LRRTM4: variants seen among roughly 807,000 people sequenced by gnomAD.
LRRTM4 encodes leucine-rich repeat transmembrane neuronal protein 4.
In LRRTM4, 25 loss-of-function variants were observed where a neutral mutation model predicts 47.6. The observed-to-expected ratio is 0.53, with a 90% CI of 0.38 to 0.73. LRRTM4 has a LOEUF of 0.73. LRRTM4 is among the 30% of genes least tolerant of loss of function. The pLI is 0.00. For synonymous variants in LRRTM4, 311 were observed against 269.5 expected, an observed-to-expected ratio of 1.15 and a Z score of -1.51; for missense variants, 638 against 713.4, an observed-to-expected ratio of 0.89 and a Z score of 1.20.
chr2:77,311,370 T>C (rs1677452931), intron 3 of LRRTM4, among the ~76,000 whole-genome samples: 1 of 152,184 alleles, frequency 6.6e-6, no homozygotes, highest in African/African-American at 2.4e-5. Flanking sequence ...TTAAGGCATC[T>C]AAGGGATGAA....
At chr2:77,034,436 T>C (rs1678767691) in intron 3 of LRRTM4, among the ~76,000 whole-genome samples, 2 of 151,950 alleles carry the variant, frequency 1.3e-5, no homozygotes, top group Non-Finnish European at 2.9e-5. Flanking sequence ...TTCCTAGACA[T>C]AAATAGTTTA....
At chr2:77,063,717 T>A (rs917591142) in intron 3 of LRRTM4, among the ~76,000 whole-genome samples, 1 of 152,212 alleles carries the variant, frequency 6.6e-6, no homozygotes, top group Non-Finnish European at 1.5e-5. Flanking sequence ...AAAATTAAAT[T>A]GAGCAGAGGT....
intron 3 of LRRTM4, among the ~76,000 whole-genome samples, chr2:77,152,710 C>T (rs965207635): frequency 1.3e-5 from 2 of 152,006 alleles, no homozygotes; most frequent in African/African-American, 2.4e-5. Context: ...ACTAAATGAG[C>T]GAATACCTGA....
intron 3 of LRRTM4, among the ~76,000 whole-genome samples, chr2:76,903,443 G>C (rs146892460): frequency 6.6e-6 from 1 of 152,080 alleles, no homozygotes; most frequent in Non-Finnish European, 1.5e-5. Flanking sequence ...GGCTGAGGCA[G>C]GAGAAAGGCA....
intron 3 of LRRTM4, among the ~76,000 whole-genome samples, chr2:77,425,178 C>T (rs201616528): frequency 1.3e-5 from 2 of 151,760 alleles, no homozygotes; most frequent in African/African-American, 2.4e-5. Context: ...CAGAGTAAAC[C>T]AACATCTGAA....
At chr2:76,867,512 A>G (rs1672500887) in intron 3 of LRRTM4, among the ~76,000 whole-genome samples, 1 of 152,032 alleles carries the variant, frequency 6.6e-6, no homozygotes, top group East Asian at 1.9e-4. Flanking sequence ...GTGTGTTTTA[A>G]TTTTTTGTTA....
At chr2:77,112,833 G>A (rs1021653664) in intron 3 of LRRTM4, among the ~76,000 whole-genome samples, 1 of 152,090 alleles carries the variant, frequency 6.6e-6, no homozygotes, top group African/African-American at 2.4e-5. Flanking sequence ...TTTAATATAT[G>A]CAGGCAACAC....
At chr2:77,085,527 G>A (rs778834674) in intron 3 of LRRTM4, among the ~76,000 whole-genome samples, 4 of 151,866 alleles carry the variant, frequency 2.6e-5, no homozygotes, top group African/African-American at 7.2e-5. Context: ...TTTAAAACAT[G>A]GAATCACGTA....
At chr2:76,908,268 A>C (rs1673921640) in intron 3 of LRRTM4, among the ~76,000 whole-genome samples, 1 of 152,130 alleles carries the variant, frequency 6.6e-6, no homozygotes, top group Non-Finnish European at 1.5e-5. Flanking sequence ...ATAGATGCAG[A>C]AAAGGCCTTT....
intron 3 of LRRTM4, among the ~76,000 whole-genome samples, chr2:77,148,389 A>G (rs967890417): frequency 7.2e-5 from 11 of 152,184 alleles, no homozygotes; most frequent in African/African-American, 2.4e-4. Flanking sequence ...TGCTATACTA[A>G]GAATGCGAGA....
chr2:77,398,385 ATTGCATATTACATCTCAGAGGAG>A (rs1484654020), intron 3 of LRRTM4, among the ~76,000 whole-genome samples: 2 of 151,930 alleles, frequency 1.3e-5, no homozygotes, highest in Non-Finnish European at 2.9e-5. Flanking sequence ...TATTATGCAT[ATTGCATATTACATCTCAGAGGAG>A]TCTGAGCTGC....
At chr2:77,029,148 A>G (rs1285565795) in intron 3 of LRRTM4, among the ~76,000 whole-genome samples, 1 of 150,446 alleles carries the variant, frequency 6.6e-6, no homozygotes, top group Non-Finnish European at 1.5e-5. Flanking sequence ...ATGAGTTAGT[A>G]GACAAGTTTG....
chr2:77,434,637 G>A (rs1675520179), intron 3 of LRRTM4, among the ~76,000 whole-genome samples: 1 of 152,208 alleles, frequency 6.6e-6, no homozygotes, highest in South Asian at 2.1e-4. Context: ...GTAATTTATG[G>A]AGAACTTTCT....
chr2:76,939,301 AAGTGCC>A (rs1428106462), intron 3 of LRRTM4, among the ~76,000 whole-genome samples: 1 of 152,154 alleles, frequency 6.6e-6, no homozygotes, highest in African/African-American at 2.4e-5. Context: ...GCTTTGCATG[AAGTGCC>A]ATAAGCTACC....
intron 3 of LRRTM4, among the ~76,000 whole-genome samples, chr2:77,316,452 T>C (rs1677620365): frequency 6.6e-6 from 1 of 152,164 alleles, no homozygotes; most frequent in South Asian, 2.1e-4. Context: ...CCATGTGACA[T>C]AGATTTTTTT....
At chr2:77,016,652 C>T (rs1338819936) in intron 3 of LRRTM4, among the ~76,000 whole-genome samples, 1 of 152,042 alleles carries the variant, frequency 6.6e-6, no homozygotes, top group Non-Finnish European at 1.5e-5. Context: ...AACATTTTGC[C>T]CCTGAAAATG....
chr2:76,864,969 C>T (rs1672425368), intron 3 of LRRTM4, among the ~76,000 whole-genome samples: 1 of 151,184 alleles, frequency 6.6e-6, no homozygotes, highest in Admixed American at 6.6e-5. Context: ...TCTCCTGGCT[C>T]AAGCGATTCT....
intron 3 of LRRTM4, among the ~76,000 whole-genome samples, chr2:77,507,232 A>T (rs942174604): frequency 3.3e-5 from 5 of 152,160 alleles, no homozygotes; most frequent in African/African-American, 1.2e-4. Context: ...TAGTATAAGT[A>T]GAGTAGAAAC....
chr2:77,038,401 ATTTGT>A (rs1192832655), intron 3 of LRRTM4, among the ~76,000 whole-genome samples: 3 of 151,420 alleles, frequency 2.0e-5, no homozygotes, highest in African/African-American at 2.4e-5. Context: ...CTTTGTTTCG[ATTTGT>A]TTTGTTTTTC....
Sources: allele counts gnomAD v4.1 joint callset (sites outside exome capture counted in the v4.1 genomes callset), GRCh38; gene constraint gnomAD v4.1.1; transcripts MANE v1.5; gene names NCBI Gene and HGNC (gene_info 2026-07-23, HGNC 2026-07-21).